CRYL1: variants seen among roughly 807,000 people sequenced by gnomAD.
The protein encoded by CRYL1 is lambda-crystallin homolog.
CRYL1 carries 29 observed loss-of-function variants against 36.6 expected under a neutral mutation model. That is an observed-to-expected ratio of 0.79 (90% confidence interval 0.59 to 1.08). The LOEUF (loss-of-function observed/expected upper bound fraction) is 1.08, where lower values mean the gene tolerates loss of function less well. CRYL1 is among the 50% of genes least tolerant of loss of function. The probability of loss-of-function intolerance (pLI) is 0.00; values close to 1 mark genes in which losing one functional copy is unlikely to be tolerated. For synonymous variants in CRYL1, 152 were observed against 151.5 expected (o/e 1.00, Z -0.02); for missense variants, 411 against 407.9 (o/e 1.01, Z -0.06).
intron 3 of CRYL1, among the ~76,000 whole-genome samples, chr13:20,456,479 C>CAAAAAAAAAAAA (rs71074301): frequency 2.0e-5 from 2 of 98,770 alleles, no homozygotes; most frequent in African/African-American, 8.0e-5. Flanking sequence ...CGTCTCAAAA[C>CAAAAAAAAAAAA]AAAAAAAAAA....
At chr13:20,498,689 G>A (rs191716371) in intron 2 of CRYL1, among the ~76,000 whole-genome samples, 17 of 152,250 alleles carry the variant, frequency 1.1e-4, no homozygotes, top group African/African-American at 3.9e-4. Flanking sequence ...TAAGAGATAA[G>A]AGATTTTTAT....
intron 2 of CRYL1, among the ~76,000 whole-genome samples, chr13:20,505,359 C>CAAAAAAAAAAAAAAA (rs61380702): frequency 0.04 from 3,617 of 90,772 alleles, 286 homozygotes; most frequent in Non-Finnish European, 0.061. Flanking sequence ...TCTATCCCAC[C>CAAAAAAAAAAAAAAA]AAAAAAAAAA....
At position 20,409,522 on chromosome 13, in the gene CRYL1, A is replaced by T. The variant is rs1350425869; in HGVS notation, c.739+3760T>A. ...AAAAGCAATGGCAACAAAAGCCAAA[A>T]TTGACAAATGGGATCTAATTAAACT... On this transcript the variant is annotated intron_variant, in intron 6 of 7. Transcript: ENST00000298248. Among the ~76,000 whole-genome samples the T allele has an allele frequency of 3.0e-3, 445 of 150,714 alleles. 3 individuals carry two copies. The highest frequency in any genetic ancestry group is 7.1e-3 in the Admixed American group (108 of 15,192).
At chr13:20,411,123 A>G (rs1477199920) in intron 6 of CRYL1, among the ~76,000 whole-genome samples, 1 of 152,228 alleles carries the variant, frequency 6.6e-6, no homozygotes, top group Non-Finnish European at 1.5e-5. Context: ...CAGTATCAGA[A>G]AAGAAGAAAA....
rs1232621637 is a variant in CRYL1, at chr13:20,435,378, C to T, written c.439-3082G>A. ...CCAGCGACTGGGCCCCACGCAGCCC[C>T]CCAAAACAGACTTCCATTCACACCG... is the stretch of plus-strand genomic sequence containing the variant. On this transcript the variant is annotated intron_variant, in intron 4 of 7. Transcript: ENST00000298248. The surrounding 1 kb of genome is among the most constrained non-coding windows in gnomAD (Gnocchi z 4.0). Among the ~76,000 whole-genome samples the T allele has an allele frequency of 6.6e-6, 1 of 152,154 alleles. No homozygotes were observed. Among genetic ancestry groups the T allele is most frequent in the Non-Finnish European group, 1.5e-5 (1 of 68,026 alleles).
rs1274011140 is a variant in CRYL1 at position 20,525,230 on chromosome 13, C to T, written c.41+524G>A. On this transcript the variant is annotated intron_variant, in intron 1 of 7. Coordinates refer to ENST00000298248, the MANE Select transcript of CRYL1 (RefSeq NM_015974.3). This position sits in a 1 kb window ranked among gnomAD's most constrained non-coding sequence, Gnocchi z 4.3. ...TAACACCTGCTGCGGCCTCCAGCGACATCGTCGCCGACAGGACTGCGCTGG... is the reference window on the plus strand; with the variant it reads ...TAACACCTGCTGCGGCCTCCAGCGATATCGTCGCCGACAGGACTGCGCTGG... Among the ~76,000 whole-genome samples, 1 of 152,190 alleles carries T rather than the reference C, an allele frequency of 6.6e-6. No homozygotes were observed. The highest frequency in any genetic ancestry group is 6.5e-5 in the Admixed American group (1 of 15,278).
At chr13:20,467,874 G>A (rs927934039) in intron 3 of CRYL1, among the ~76,000 whole-genome samples, 1 of 152,160 alleles carries the variant, frequency 6.6e-6, no homozygotes, top group African/African-American at 2.4e-5. Flanking sequence ...ACCAGGCCAC[G>A]CAGCAGGAGG....
chr13:20,503,537 C>T (rs1565986201), intron 2 of CRYL1, among the ~76,000 whole-genome samples: 1 of 152,236 alleles, frequency 6.6e-6, no homozygotes, highest in South Asian at 2.1e-4. Flanking sequence ...GCGAACGAAT[C>T]TCAATGCACA....
intron 2 of CRYL1, among the ~76,000 whole-genome samples, chr13:20,508,235 A>C (rs914629309): frequency 2.0e-5 from 3 of 152,152 alleles, no homozygotes; most frequent in African/African-American, 7.2e-5. Context: ...TCTCAAAAAA[A>C]ATAAAATAAA....
At chr13:20,434,692 T>C (rs1593441785) in intron 4 of CRYL1, among the ~76,000 whole-genome samples, 1 of 149,830 alleles carries the variant, frequency 6.7e-6, no homozygotes, top group Admixed American at 6.7e-5. Flanking sequence ...GTCCTTTTGC[T>C]CTTCACAATA....
At position 20,439,830 on chromosome 13, in the gene CRYL1, C is replaced by G. The variant is rs1196013913; in HGVS notation, c.277-76G>C. On this transcript the variant is annotated intron_variant, in intron 3 of 7. Transcript: ENST00000298248. ...CAAGCAAAGCATTTCATGTTTGTTT[C>G]ATTCCTCAAATGAACCACTTTGAAA... is the stretch of plus-strand genomic sequence containing the variant. 3 of 1,406,450 alleles carry G rather than the reference C, an allele frequency of 2.1e-6. No homozygotes were observed. In the African/African-American group the frequency reaches 4.3e-5, roughly 20 times the overall value. The allele number at this position is 1,406,450 out of a possible 1,614,324, so 87.1% of individuals were successfully genotyped here.
In CRYL1 at chr13:20,425,463, G is replaced by T. The variant is rs1160296636; in HGVS notation, c.633+6639C>A. On this transcript the variant is annotated intron_variant, in intron 5 of 7. Transcript: ENST00000298248. The surrounding 1 kb of genome is among the most constrained non-coding windows in gnomAD (Gnocchi z 4.4). ...TTAGTGAAACGGCAGAGCCTCACCGGACTGCCAGAAAAGGACAGGCCACGC... is the reference window on the plus strand; with the variant it reads ...TTAGTGAAACGGCAGAGCCTCACCGTACTGCCAGAAAAGGACAGGCCACGC... Among the ~76,000 whole-genome samples the T allele has an allele frequency of 6.6e-6, 1 of 152,218 alleles. No individual in the cohort carries two copies. The highest frequency in any genetic ancestry group is 1.5e-5 in the Non-Finnish European group (1 of 68,032).
intron 5 of CRYL1, among the ~76,000 whole-genome samples, chr13:20,420,273 G>A (rs1027854091): frequency 1.3e-5 from 2 of 152,166 alleles, no homozygotes; most frequent in African/African-American, 4.8e-5. Context: ...GAAACACCAG[G>A]TGGACCACCC....
chr13:20,523,125 C>G lies in CRYL1; in HGVS notation c.41+2629G>C, dbSNP rs1333688341. Reference sequence around the variant, plus strand: ...AGAGACGGGATCTCGCCATGTTGGCCAGACTGGTCTCGAACCCCTGACCTC... The same window carrying G: ...AGAGACGGGATCTCGCCATGTTGGCGAGACTGGTCTCGAACCCCTGACCTC... On this transcript the variant is annotated intron_variant, in intron 1 of 7. Coordinates refer to ENST00000298248, the MANE Select transcript of CRYL1 (RefSeq NM_015974.3). Among the ~76,000 whole-genome samples the G allele has an allele frequency of 4.6e-5, 7 of 152,118 alleles. No homozygotes were observed. In the East Asian group the frequency reaches 1.4e-3, roughly 29 times the overall value.
At chr13:20,413,527 T>C in intron 5 of CRYL1, 140 bp from the exon 6 acceptor site, 1 of 581,220 alleles carries the variant, frequency 1.7e-6, no homozygotes, top group South Asian at 2.3e-5. Flanking sequence ...ACTTACCGAA[T>C]ATGCTTATGA....
At chr13:20,519,846 C>T (rs1021160424) in intron 1 of CRYL1, among the ~76,000 whole-genome samples, 2 of 152,040 alleles carry the variant, frequency 1.3e-5, no homozygotes, top group Non-Finnish European at 2.9e-5. Context: ...AATCAGGGAA[C>T]TCTTGAATAT....
chr13:20,496,774 G>A (rs2033611120), intron 2 of CRYL1, among the ~76,000 whole-genome samples: 1 of 150,004 alleles, frequency 6.7e-6, no homozygotes, highest in African/African-American at 2.5e-5. Context: ...GAGCCCCCGA[G>A]GTGGAGGCTG....
chr13:20,511,027 G>A (rs1345979862), intron 2 of CRYL1, among the ~76,000 whole-genome samples: 2 of 152,118 alleles, frequency 1.3e-5, no homozygotes, highest in African/African-American at 4.8e-5. Flanking sequence ...TACAGTCTAT[G>A]TGAGTGGTTT....
At chr13:20,513,221 T>C (rs901801680) in intron 1 of CRYL1, among the ~76,000 whole-genome samples, 4 of 152,222 alleles carry the variant, frequency 2.6e-5, no homozygotes, top group Non-Finnish European at 5.9e-5. Context: ...ATTTATCATG[T>C]ACTCACACGC....
Sources: gnomAD v4.1 joint callset for allele counts (sites outside exome capture counted in the v4.1 genomes callset) on GRCh38, gnomAD v4.1.1 for gene constraint, Gnocchi (gnomAD v3.1) non-coding constraint, MANE v1.5 for transcripts, NCBI Gene and HGNC (gene_info 2026-07-23, HGNC 2026-07-21) for gene names.